ARSJ: variants seen among roughly 807,000 people sequenced by gnomAD.
ARSJ encodes arylsulfatase family member J.
Under a neutral mutation model 35.9 loss-of-function variants are expected in ARSJ, and 26 were observed. That is an observed-to-expected ratio of 0.72 (90% CI 0.53 to 1.00). The LOEUF (loss-of-function observed/expected upper bound fraction) is 1.00, where lower values mean the gene tolerates loss of function less well. Among genes scored for constraint, ARSJ ranks in the 50% least tolerant of loss-of-function variants. ARSJ has a pLI of 0.00. For missense variants in ARSJ, 667 were observed against 723.6 expected (o/e 0.92, Z 0.90); for synonymous variants, 294 against 267.6 (o/e 1.10, Z -0.96).
chr4:113,904,649 T>C (rs1415353136), intron 1 of ARSJ, among the ~76,000 whole-genome samples: 2 of 152,204 alleles, frequency 1.3e-5, no homozygotes, highest in East Asian at 3.9e-4. Flanking sequence ...CACGCCCAGA[T>C]AATTTTTTTG....
intron 1 of ARSJ, 111 bp from the exon 2 acceptor site, chr4:113,903,786 T>G (rs1301194793): frequency 7.3e-7 from 1 of 1,365,970 alleles, no homozygotes; most frequent in East Asian, 2.4e-5. Context: ...TGTTAAATTA[T>G]AATTGACCCC....
At chr4:113,953,048 A>C (rs1415046533) in intron 1 of ARSJ, among the ~76,000 whole-genome samples, 3 of 152,098 alleles carry the variant, frequency 2.0e-5, no homozygotes, top group Non-Finnish European at 2.9e-5. Context: ...TCTTGGAACA[A>C]GCTTTGGAAA....
chr4:113,979,165 C>A lies in ARSJ; in HGVS notation c.-331G>T. ...AAGTTCTCTGGAGAAAAAAACCAAG[C>A]AAGGAATTGAGAATCACAGTGGACA... On this transcript the variant is annotated 5_prime_UTR_variant, in exon 1 of 2. Transcript: ENST00000315366. The A allele has an allele frequency of 4.7e-6, 1 of 213,576 alleles. No homozygotes were observed. The highest frequency in any genetic ancestry group is 1.0e-4 in the East Asian group (1 of 9,722). 13.2% of individuals were successfully genotyped at this position (213,576 alleles called of 1,614,324 possible).
intron 1 of ARSJ, among the ~76,000 whole-genome samples, chr4:113,914,820 G>C (rs755512103): frequency 2.0e-5 from 3 of 152,056 alleles, no homozygotes; most frequent in Non-Finnish European, 4.4e-5. Flanking sequence ...GAAACATTGT[G>C]GTATACTATA....
chr4:113,913,103 A>AT (rs77526378), intron 1 of ARSJ, among the ~76,000 whole-genome samples: 107,581 of 151,904 alleles, frequency 0.71, 38,871 homozygotes, highest in East Asian at 0.81. Flanking sequence ...AGCTAAATAA[A>AT]TCTGTAATTA....
intron 1 of ARSJ, among the ~76,000 whole-genome samples, chr4:113,954,870 A>G (rs1259352656): frequency 2.0e-5 from 3 of 152,010 alleles, no homozygotes. Context: ...TAATACAGTC[A>G]TATCTTTCCC....
intron 1 of ARSJ, among the ~76,000 whole-genome samples, chr4:113,930,153 G>T (rs534257904): frequency 6.6e-6 from 1 of 152,094 alleles, no homozygotes; most frequent in East Asian, 1.9e-4. Flanking sequence ...TCTCTAGAGG[G>T]ACAGAACTAA....
intron 1 of ARSJ, among the ~76,000 whole-genome samples, chr4:113,945,294 C>T (rs1044475099): frequency 6.6e-6 from 1 of 151,948 alleles, no homozygotes; most frequent in Non-Finnish European, 1.5e-5. Flanking sequence ...GCCATCACAC[C>T]CAGCTAATTG....
chr4:113,904,842 C>G (rs2099668257), intron 1 of ARSJ, among the ~76,000 whole-genome samples: 1 of 152,196 alleles, frequency 6.6e-6, no homozygotes, highest in Non-Finnish European at 1.5e-5. Context: ...TCTGACTACA[C>G]AATACATTAT....
chr4:113,935,370 G>A (rs1292770790), intron 1 of ARSJ, among the ~76,000 whole-genome samples: 1 of 151,854 alleles, frequency 6.6e-6, no homozygotes, highest in African/African-American at 2.4e-5. Context: ...AGCAACTTCT[G>A]TGAGTAAGTC....
At chr4:113,960,125 A>G (rs1415754204) in intron 1 of ARSJ, among the ~76,000 whole-genome samples, 2 of 152,062 alleles carry the variant, frequency 1.3e-5, no homozygotes, top group Non-Finnish European at 2.9e-5. Context: ...TGAGACATGG[A>G]TAAAATACAA....
intron 1 of ARSJ, among the ~76,000 whole-genome samples, chr4:113,932,376 C>A (rs920829083): frequency 3.9e-5 from 6 of 151,984 alleles, no homozygotes; most frequent in Non-Finnish European, 5.9e-5. Context: ...CCCTAACTGA[C>A]ATATACAGAA....
chr4:113,968,904 G>A (rs925413525), intron 1 of ARSJ, among the ~76,000 whole-genome samples: 3 of 152,092 alleles, frequency 2.0e-5, no homozygotes, highest in African/African-American at 7.2e-5. Flanking sequence ...TGATAATAGA[G>A]CACAGATGTC....
intron 1 of ARSJ, among the ~76,000 whole-genome samples, chr4:113,920,148 A>G (rs1000851257): frequency 1.3e-5 from 2 of 152,152 alleles, no homozygotes; most frequent in African/African-American, 4.8e-5. Flanking sequence ...AATTAAAAAC[A>G]CTGTTTTGCC....
intron 1 of ARSJ, among the ~76,000 whole-genome samples, chr4:113,948,650 A>G (rs923950926): frequency 1.3e-5 from 2 of 152,172 alleles, no homozygotes; most frequent in Middle Eastern, 3.4e-3. Context: ...GATTTTAGCT[A>G]TATGTATATG....
chr4:113,931,293 A>G (rs1466583936), intron 1 of ARSJ, among the ~76,000 whole-genome samples: 2 of 152,162 alleles, frequency 1.3e-5, no homozygotes, highest in East Asian at 3.9e-4. Context: ...AAACAAGAAT[A>G]GAATATTCTT....
rs1172024774 is a variant in ARSJ, at chr4:113,955,280, T to C, written c.398+23157A>G. 3.3e-5 allele frequency among the ~76,000 whole-genome samples: 5 copies of C among 152,036 alleles called. No homozygotes were observed. The East Asian group carries it at 7.7e-4, about 24-fold the overall frequency. On this transcript the variant is annotated intron_variant, in intron 1 of 1. Transcript: ENST00000315366. ...AGCAGTTATTGCAGATACAGTTACC[T>C]TCTCCTCACCCCAAATTCTAAATAA...
chr4:113,924,079 ATATATATATATATATATATATATAT>A (rs1562345687), intron 1 of ARSJ, among the ~76,000 whole-genome samples: 10 of 118,498 alleles, frequency 8.4e-5, no homozygotes, highest in South Asian at 5.0e-4. Flanking sequence ...ATATATAAAT[ATATATATATATATATATATATATAT>A]ATATATATAT....
At chr4:113,917,739 GA>G in intron 1 of ARSJ, among the ~76,000 whole-genome samples, 1 of 152,140 alleles carries the variant, frequency 6.6e-6, no homozygotes, top group East Asian at 1.9e-4. Flanking sequence ...CAATAATTCT[GA>G]AGTTCTATTA....
Sources: allele counts gnomAD v4.1 joint callset (sites outside exome capture counted in the v4.1 genomes callset), GRCh38; gene constraint gnomAD v4.1.1; transcripts MANE v1.5; gene names NCBI Gene and HGNC (gene_info 2026-07-23, HGNC 2026-07-21).